Variants in GSDMD observed in about 807,000 individuals in gnomAD.
GSDMD encodes the protein gasdermin D.
In GSDMD, 46 loss-of-function variants were observed where a neutral mutation model predicts 46.7. That is an observed-to-expected ratio of 0.99 (90% CI 0.78 to 1.26). The LOEUF is 1.26. Ranked by LOEUF, GSDMD falls within the 50% of genes most tolerant of loss-of-function variation. The pLI is 0.00. For synonymous variants in GSDMD, 307 were observed against 283.1 expected (o/e 1.08, Z -0.85); for missense variants, 649 against 638.8 (o/e 1.02, Z -0.17).
chr8:143,558,295 C>T, upstream of GSDMD: 1 of 1,494,012 alleles, frequency 6.7e-7, no homozygotes, highest in Non-Finnish European at 8.9e-7. Context: ...CCGGGGCGGG[C>T]TCTCCGGGAC....
upstream of GSDMD, chr8:143,555,824 C>G (rs1394121697): frequency 6.6e-6 from 1 of 152,480 alleles, no homozygotes; most frequent in African/African-American, 2.4e-5. Context: ...AATCCCAGCA[C>G]TTTGGGAGGC....
chr8:143,561,078 C>T lies in GSDMD; in HGVS notation c.656C>T (p.Ala219Val). 1 of 1,613,166 alleles carries T rather than the reference C, an allele frequency of 6.2e-7. No individual in the cohort carries two copies. Among genetic ancestry groups the T allele is most frequent in the Non-Finnish European group, 8.5e-7 (1 of 1,179,910 alleles). Residue 219 changes from alanine (A) to valine (V), a missense_variant, in exon 5 of 11, where the codon GCC becomes GTC. By Grantham distance (64) the Ala-to-Val change is moderately conservative (BLOSUM62 0). Coordinates refer to ENST00000262580, the MANE Select transcript of GSDMD (RefSeq NM_024736.7). ...PSGSTLAFRVAQLVIDSDLDV... is the reference protein window; with the variant it reads ...PSGSTLAFRVVQLVIDSDLDV... ...GGCAGCACCCTCGCATTCCGGGTGG[C>T]CCAGCTGGTTATTGACTCTGACTTG...
chr8:143,560,592 C>T lies in GSDMD; in HGVS notation c.411-11C>T, dbSNP rs565658777. 97 of 1,572,468 alleles carry T rather than the reference C, an allele frequency of 6.2e-5. No homozygotes were observed. In the African/African-American group the frequency reaches 1.3e-3, roughly 20 times the overall value. ...TGCGGCCCAGCGAGCTTTGCTGCTC[C>T]TCGGACACAGGCACCTGCGGCAGCC... On this transcript the variant is annotated splice_polypyrimidine_tract_variant and intron_variant, in intron 3 of 10. Transcript: ENST00000262580.
upstream of GSDMD, among the ~76,000 whole-genome samples, chr8:143,556,568 A>G (rs930044632): frequency 6.6e-6 from 1 of 152,224 alleles, no homozygotes; most frequent in African/African-American, 2.4e-5. Context: ...AACAACAAAA[A>G]ATACACAAAA....
intron 6 of GSDMD, 109 bp from the exon 7 acceptor site, chr8:143,561,633 T>C: frequency 9.8e-7 from 1 of 1,020,282 alleles, no homozygotes. Context: ...CTGCCAGTGT[T>C]GGCAGTGGTG....
At chr8:143,556,675 C>T (rs550753000), upstream of GSDMD, among the ~76,000 whole-genome samples, 152 of 152,364 alleles carry the variant, frequency 1.0e-3, 1 homozygote, top group Middle Eastern at 3.4e-3. Flanking sequence ...GTAGCCCCAT[C>T]CACAACCGCG....
At position 143,559,850 on chromosome 8, in the gene GSDMD, A is replaced by C; in HGVS notation, c.291A>C (p.Ala97=). The C allele has an allele frequency of 6.2e-7, 1 of 1,612,694 alleles. No homozygotes were observed. The highest frequency in any genetic ancestry group is 8.5e-7 in the Non-Finnish European group (1 of 1,179,908). Residue 97 remains alanine (A), a synonymous_variant, in exon 3 of 11, where the codon GCA becomes GCC. Transcript: ENST00000262580. ...DGQIQGSVEL[A]APGQAKIAGG... is the part of the protein sequence containing the mutation. ...AGATACAGGGCAGCGTGGAGCTGGC[A>C]GCCCCAGGACAGGCAAAGATCGCAG...
At position 143,562,031 on chromosome 8, in the gene GSDMD, AG is replaced by A; in HGVS notation, c.898del (p.Glu300AsnfsTer79). 6.2e-7 allele frequency: 1 copy of A among 1,601,518 alleles called. No homozygotes were observed. The highest frequency in any genetic ancestry group is 8.5e-7 in the Non-Finnish European group (1 of 1,177,928). ...CGGGCAGAGGTGGAGACCATCTCCA[AG>A]GAACTGGAGCTTTTGGACAGAGAGC... ...GLRAEVETIS[K>X]ELELLDRELC... On this transcript the variant is annotated frameshift_variant, in exon 8 of 11. Coordinates refer to ENST00000262580, the MANE Select transcript of GSDMD (RefSeq NM_024736.7). LOFTEE classifies it high-confidence loss of function.
upstream of GSDMD, among the ~76,000 whole-genome samples, chr8:143,554,063 G>A (rs922477802): frequency 6.2e-5 from 7 of 113,560 alleles, 2 homozygotes; most frequent in Middle Eastern, 8.8e-3. Context: ...CCTAGAGGCA[G>A]CGAGGCTGTA....
At chr8:143,559,285 CCCG>C in intron 1 of GSDMD, 44 bp from the exon 2 acceptor site, 1 of 531,568 alleles carries the variant, frequency 1.9e-6, no homozygotes, top group Non-Finnish European at 3.6e-6. Flanking sequence ...CCCACTCCCT[CCCG>C]CCCGCCCCGA....
chr8:143,561,477 T>C lies in GSDMD; in HGVS notation c.736+54T>C, dbSNP rs1282317860. ...TGTCCGGTGGGAAAAGCACACTCCC[T>C]GGGCAGTTGAGGCCTTCTCCTCATG... On this transcript the variant is annotated intron_variant, in intron 6 of 10. Transcript: ENST00000262580. The C allele has an allele frequency of 1.9e-6, 3 of 1,553,712 alleles. No homozygotes were observed. The South Asian group carries it at 3.4e-5, about 18-fold the overall frequency.
rs1260882113 is a variant in GSDMD at position 143,560,726 on chromosome 8, G to A, written c.534G>A (p.Arg178=). 1 of 1,568,296 alleles carries A rather than the reference G, an allele frequency of 6.4e-7. No homozygotes were observed. Among genetic ancestry groups the A allele is most frequent in the South Asian group, 1.2e-5 (1 of 85,754 alleles). ...KEVEVTRTHK[R]EGSGRFSLPG... is the part of the protein sequence containing the mutation. ...TGGAAGTCACGCGCACCCACAAGCG[G>A]GAGGGCTCGGGCCGGTTTTCCCTGC... The change falls in exon 4 of 11, where the codon CGG becomes CGA. Residue 178 remains arginine (R), a synonymous_variant. Transcript: ENST00000262580.
At chr8:143,554,077 G>C (rs933889494), upstream of GSDMD, among the ~76,000 whole-genome samples, 1 of 152,242 alleles carries the variant, frequency 6.6e-6, no homozygotes, top group Non-Finnish European at 1.5e-5. Context: ...GGCTGTACAG[G>C]GCTTTCCAGG....
upstream of GSDMD, chr8:143,558,036 A>G: frequency 2.6e-6 from 1 of 378,318 alleles, no homozygotes; most frequent in Non-Finnish European, 5.1e-6. Context: ...CTGGGATCAC[A>G]GGCATGCGCC....
rs768251748 is a variant in GSDMD, at chr8:143,559,363, C to A, written c.28C>A (p.Arg10=). The A allele has an allele frequency of 6.2e-7, 1 of 1,602,350 alleles. No homozygotes were observed. The highest frequency in any genetic ancestry group is 8.5e-7 in the Non-Finnish European group (1 of 1,174,210). Residue 10 remains arginine (R), a synonymous_variant, in exon 2 of 11, where the codon CGG becomes AGG. Transcript: ENST00000262580. MGSAFERVV[R]RVVQELDHGG... is the part of the protein sequence containing the mutation. ...GGGGTCGGCCTTTGAGCGGGTAGTC[C>A]GGAGAGTGGTCCAGGAGCTGGACCA...
intron 3 of GSDMD, 72 bp downstream of exon 3, chr8:143,560,041 T>C (rs1823413379): frequency 7.4e-7 from 1 of 1,344,348 alleles, no homozygotes; most frequent in Admixed American, 2.0e-5. Context: ...TTTATTTATT[T>C]ATTTAAATTA....
chr8:143,556,702 C>T (rs1375488495), upstream of GSDMD, among the ~76,000 whole-genome samples: 3 of 144,110 alleles, frequency 2.1e-5, no homozygotes, highest in Non-Finnish European at 3.1e-5. Flanking sequence ...CTGGGAGGGC[C>T]GGGTGGGAGG....
In GSDMD at chr8:143,561,107, G is replaced by A. The variant is rs748292002; in HGVS notation, c.682+3G>A. 6.8e-6 allele frequency: 11 copies of A among 1,611,870 alleles called. No individual in the cohort carries two copies. The Admixed American group carries it at 1.5e-4, about 22-fold the overall frequency. On this transcript the variant is annotated splice_donor_region_variant and intron_variant, in intron 5 of 10. Coordinates refer to ENST00000262580, the MANE Select transcript of GSDMD (RefSeq NM_024736.7). ...GCTGGTTATTGACTCTGACTTGGGTGAGCTGGAGTTGGGGGTGTCTCGGGC... is the reference window on the plus strand; with the variant it reads ...GCTGGTTATTGACTCTGACTTGGGTAAGCTGGAGTTGGGGGTGTCTCGGGC...
rs1295433303 is a variant in GSDMD, at chr8:143,560,701, T to C, written c.509T>C (p.Val170Ala). 6.3e-7 allele frequency: 1 copy of C among 1,582,240 alleles called. No individual in the cohort carries two copies. The highest frequency in any genetic ancestry group is 8.6e-7 in the Non-Finnish European group (1 of 1,164,388). ...VTEVLQTQKE[V>A]EVTRTHKREG... ...GAGGTGCTGCAGACACAGAAGGAGGTGGAAGTCACGCGCACCCACAAGCGG... is the reference window on the plus strand; with the variant it reads ...GAGGTGCTGCAGACACAGAAGGAGGCGGAAGTCACGCGCACCCACAAGCGG... The change falls in exon 4 of 11, where the codon GTG becomes GCG. Residue 170 changes from valine to alanine, a missense_variant. Transcript: ENST00000262580.
Sources: allele counts gnomAD v4.1 joint callset (sites outside exome capture counted in the v4.1 genomes callset), GRCh38; gene constraint gnomAD v4.1.1; transcripts MANE v1.5; gene names NCBI Gene and HGNC (gene_info 2026-07-23, HGNC 2026-07-21).